Variants in NFAT5 observed in about 807,000 individuals in gnomAD.
NFAT5 encodes nuclear factor of activated T-cells 5.
In NFAT5, 31 loss-of-function variants were observed where a neutral mutation model predicts 166.5. That is an observed-to-expected ratio of 0.19 (90% CI 0.14 to 0.25). The LOEUF (loss-of-function observed/expected upper bound fraction) is 0.25. Among genes scored for constraint, NFAT5 ranks in the 10% least tolerant of loss-of-function variants. NFAT5 has a pLI of 1.00. For synonymous variants in NFAT5, 612 were observed against 639.7 expected (o/e 0.96, Z 0.65); for missense variants, 1,449 against 1,821.8 (o/e 0.80, Z 3.72).
chr16:69,640,058 T>C (rs1266466624), intron 3 of NFAT5, among the ~76,000 whole-genome samples: 1 of 152,254 alleles, frequency 6.6e-6, no homozygotes, highest in Non-Finnish European at 1.5e-5. Context: ...CCTACAATTT[T>C]TGTTTTTTTA....
intron 11 of NFAT5, among the ~76,000 whole-genome samples, chr16:69,686,474 G>T (rs1384832755): frequency 6.6e-6 from 1 of 152,196 alleles, no homozygotes; most frequent in Non-Finnish European, 1.5e-5. Flanking sequence ...ATTGAGCTGT[G>T]ATCGTACCAC....
In NFAT5 at chr16:69,610,968, T is replaced by G. The variant is rs1249428413; in HGVS notation, c.128-15435T>G. Among the ~76,000 whole-genome samples the G allele has an allele frequency of 2.0e-5, 3 of 152,182 alleles. No homozygotes were observed. In the East Asian group the frequency reaches 5.8e-4, roughly 29 times the overall value. On this transcript the variant is annotated intron_variant, in intron 2 of 14. Coordinates refer to ENST00000349945, the MANE Select transcript of NFAT5 (RefSeq NM_138713.4). The stretch of plus-strand genomic sequence containing the variant: ...AAGCTTTTTGGGAGCAGACTCGGGT[T>G]TCTGTGAACATGTGATTTACTGTGT...
At chr16:69,675,431 T>C (rs1319931119) in intron 9 of NFAT5, among the ~76,000 whole-genome samples, 1 of 152,252 alleles carries the variant, frequency 6.6e-6, no homozygotes, top group African/African-American at 2.4e-5. Context: ...CAAGATTCAG[T>C]AACTCTGTTT....
At chr16:69,574,339 GTAT>G (rs1432832180) in intron 2 of NFAT5, among the ~76,000 whole-genome samples, 1 of 152,160 alleles carries the variant, frequency 6.6e-6, no homozygotes, top group East Asian at 1.9e-4. Context: ...TTATTAATTT[GTAT>G]TATTGTCTTT....
In NFAT5 at chr16:69,694,000, T is replaced by G. The variant is rs2151724014; in HGVS notation, c.4175T>G (p.Leu1392Arg). ...SPSSQEQQVTLFLSPASMSAL... is the reference protein window; with the variant it reads ...SPSSQEQQVTRFLSPASMSAL... Reference sequence around the variant, plus strand: ...AGTTCTCAAGAGCAGCAAGTAACTCTCTTCTTATCTCCAGCATCCATGTCT... The same window carrying G: ...AGTTCTCAAGAGCAGCAAGTAACTCGCTTCTTATCTCCAGCATCCATGTCT... The change falls in exon 13 of 15, where the codon CTC becomes CGC. Residue 1392 changes from leucine to arginine, a missense_variant. By Grantham distance (102) the Leu-to-Arg change is moderately radical. Coordinates refer to ENST00000349945, the MANE Select transcript of NFAT5 (RefSeq NM_138713.4). 6.2e-7 allele frequency: 1 copy of G among 1,614,202 alleles called. No individual in the cohort carries two copies. The highest frequency in any genetic ancestry group is 1.3e-5 in the African/African-American group (1 of 75,050).
intron 4 of NFAT5, chr16:69,648,732 T>C: frequency 8.2e-6 from 8 of 975,402 alleles, no homozygotes; most frequent in Non-Finnish European, 9.7e-6. Flanking sequence ...TTTAACTCTC[T>C]AGGACCCAGG....
chr16:69,640,266 G>T (rs895343062), intron 3 of NFAT5, among the ~76,000 whole-genome samples: 1 of 152,106 alleles, frequency 6.6e-6, no homozygotes, highest in Non-Finnish European at 1.5e-5. Flanking sequence ...GGTCGGTCTC[G>T]TTTTCAGACT....
intron 3 of NFAT5, among the ~76,000 whole-genome samples, chr16:69,643,032 A>T (rs1309618073): frequency 6.6e-6 from 1 of 151,910 alleles, no homozygotes; most frequent in Non-Finnish European, 1.5e-5. Context: ...ACCCTGGCCA[A>T]CATGATGAAA....
intron 4 of NFAT5, among the ~76,000 whole-genome samples, chr16:69,650,137 T>C: frequency 6.6e-6 from 1 of 152,118 alleles, no homozygotes; most frequent in South Asian, 2.1e-4. Context: ...ATGAAAATTA[T>C]TTTTTTGACA....
chr16:69,682,533 C>T (rs938382661), intron 10 of NFAT5, among the ~76,000 whole-genome samples: 6 of 151,528 alleles, frequency 4.0e-5, no homozygotes, highest in Admixed American at 1.3e-4. Context: ...GGTGAGAGAT[C>T]GCTTGAGCCT....
At chr16:69,654,798 G>A (rs1006532070) in intron 5 of NFAT5, among the ~76,000 whole-genome samples, 2 of 152,084 alleles carry the variant, frequency 1.3e-5, no homozygotes, top group African/African-American at 4.8e-5. Flanking sequence ...TAGAGATGTA[G>A]CTGTACTGGA....
chr16:69,586,289 G>T (rs1484536771), intron 2 of NFAT5, among the ~76,000 whole-genome samples: 1 of 152,146 alleles, frequency 6.6e-6, no homozygotes, highest in African/African-American at 2.4e-5. Context: ...AAATACCACT[G>T]ACTATGTTAC....
At chr16:69,663,957 G>A (rs966624149) in intron 7 of NFAT5, among the ~76,000 whole-genome samples, 2 of 152,050 alleles carry the variant, frequency 1.3e-5, no homozygotes, top group Non-Finnish European at 2.9e-5. Context: ...AATTAATCAT[G>A]GCTTTCTTAC....
Position 69,693,487 on chromosome 16 carries a change from C to A in NFAT5, c.3662C>A (p.Pro1221His), listed in dbSNP as rs1003861783. 1 of 1,614,174 alleles carries A rather than the reference C, an allele frequency of 6.2e-7. No homozygotes were observed. Among genetic ancestry groups the A allele is most frequent in the Non-Finnish European group, 8.5e-7 (1 of 1,180,034 alleles). ...ATGCTTTCCCAAGAACAGGCACAAC[C>A]CCCGCAGCAGGGTTTATTTCAGCCT... ...TPMLSQEQAQ[P>H]PQQGLFQPQV... The change falls in exon 13 of 15, where the codon CCC becomes CAC. Residue 1221 changes from proline (P) to histidine (H), a missense_variant. This residue lies in a region of NFAT5 where 891 missense variants were observed against 993.0 expected (regional missense o/e 0.90). Transcript: ENST00000349945.
chr16:69,577,396 A>G (rs2016820231), intron 2 of NFAT5, among the ~76,000 whole-genome samples: 1 of 152,210 alleles, frequency 6.6e-6, no homozygotes, highest in African/African-American at 2.4e-5. Flanking sequence ...ACTTGCACAT[A>G]TACATGAAAA....
chr16:69,680,243 A>T (rs1219735614), intron 10 of NFAT5, among the ~76,000 whole-genome samples: 1 of 152,218 alleles, frequency 6.6e-6, no homozygotes, highest in Non-Finnish European at 1.5e-5. Flanking sequence ...TATAATTAAT[A>T]CATAGGATTT....
At chr16:69,622,478 G>C (rs1466988098) in intron 2 of NFAT5, among the ~76,000 whole-genome samples, 1 of 152,084 alleles carries the variant, frequency 6.6e-6, no homozygotes, top group Non-Finnish European at 1.5e-5. Context: ...TGTTTGTTTT[G>C]AGGGGCAGAC....
In NFAT5 at chr16:69,569,370, G is replaced by T. The variant is rs180910132; in HGVS notation, c.127+822G>T. On this transcript the variant is annotated intron_variant, in intron 2 of 14. Transcript: ENST00000349945. ...CAGTAGAAGAAATAATACTTTCTGC[G>T]TTTCAGTTAGTGCTCTTTATGCAAA... 2.0e-5 allele frequency among the ~76,000 whole-genome samples: 3 copies of T among 150,638 alleles called. No individual in the cohort carries two copies. In the East Asian group the frequency reaches 5.8e-4, roughly 29 times the overall value.
chr16:69,670,126 T>A lies in NFAT5; in HGVS notation c.1504+15T>A. On this transcript the variant is annotated intron_variant, in intron 8 of 14. Coordinates refer to ENST00000349945, the MANE Select transcript of NFAT5 (RefSeq NM_138713.4). ...AAATGTTTCTGGTAAGTACGCATAT[T>A]TGTGGTACAGATATTTGTATGTTTT... The A allele has an allele frequency of 6.2e-7, 1 of 1,608,272 alleles. No individual in the cohort carries two copies. Among genetic ancestry groups the A allele is most frequent in the Non-Finnish European group, 8.5e-7 (1 of 1,178,138 alleles).
Sources: gnomAD v4.1 joint callset for allele counts (sites outside exome capture counted in the v4.1 genomes callset) on GRCh38, gnomAD v4.1.1 for gene constraint, gnomAD v4.1.1 regional missense constraint, MANE v1.5 for transcripts, NCBI Gene and HGNC (gene_info 2026-07-23, HGNC 2026-07-21) for gene names.